Variants in CDC5L observed in about 807,000 individuals in gnomAD.
CDC5L encodes the protein cell division cycle 5-like protein.
Under a neutral mutation model 104.1 loss-of-function variants are expected in CDC5L, and 18 were observed. The observed-to-expected ratio is 0.17, with a 90% CI of 0.12 to 0.26. The LOEUF (loss-of-function observed/expected upper bound fraction) is 0.26. Ranked by LOEUF, CDC5L falls within the 10% of genes least tolerant of loss-of-function variation. The pLI is 1.00. For missense variants in CDC5L, 673 were observed against 956.9 expected (o/e 0.70, Z 3.91); for synonymous variants, 331 against 322.7 (o/e 1.03, Z -0.28).
intron 14 of CDC5L, among the ~76,000 whole-genome samples, chr6:44,430,447 C>T (rs1233273205): frequency 6.8e-6 from 1 of 147,938 alleles, no homozygotes; most frequent in African/African-American, 2.5e-5. Context: ...TGAAAACATA[C>T]TAGATGCAGT....
chr6:44,449,335 T>TA lies in CDC5L; in HGVS notation c.*2625dup, dbSNP rs987600671. 1 of 152,186 alleles carries TA rather than the reference T, an allele frequency of 6.6e-6. No homozygotes were observed. Among genetic ancestry groups the TA allele is most frequent in the African/African-American group, 2.4e-5 (1 of 41,448 alleles). The allele number at this position is 152,186 out of a possible 1,614,324, so 9.4% of individuals were successfully genotyped here. On this transcript the variant is annotated 3_prime_UTR_variant, in exon 16 of 16. Coordinates refer to ENST00000371477, the MANE Select transcript of CDC5L (RefSeq NM_001253.4). ...AGCCCAGGATTCTTTACCAGCACCA[T>TA]ACAGCGATTTTGGTGACTATTTTAA...
At chr6:44,443,832 C>G (rs367792282) in intron 14 of CDC5L, among the ~76,000 whole-genome samples, 1 of 145,060 alleles carries the variant, frequency 6.9e-6, no homozygotes, top group African/African-American at 2.5e-5. Context: ...GAGTTGGTTT[C>G]TGTTGATTTA....
In CDC5L at chr6:44,447,729, T is replaced by G. The variant is rs554518068; in HGVS notation, c.*1018T>G. 6.6e-6 allele frequency: 1 copy of G among 152,340 alleles called. No individual in the cohort carries two copies. Among genetic ancestry groups the G allele is most frequent in the African/African-American group, 2.4e-5 (1 of 41,586 alleles). 9.4% of individuals were successfully genotyped at this position (152,340 alleles called of 1,614,324 possible). ...ACAACAAACAAAATAGGCCTAGTTC[T>G]TGTTTAGTAGAGCTTATAGTCTTTT... is the stretch of plus-strand genomic sequence containing the variant. On this transcript the variant is annotated 3_prime_UTR_variant, in exon 16 of 16. Coordinates refer to ENST00000371477, the MANE Select transcript of CDC5L (RefSeq NM_001253.4).
intron 5 of CDC5L, among the ~76,000 whole-genome samples, chr6:44,400,316 A>G (rs1272794308): frequency 6.6e-6 from 1 of 152,208 alleles, no homozygotes; most frequent in Non-Finnish European, 1.5e-5. Flanking sequence ...TAGATGATAT[A>G]CTGTAGCAAT....
intron 8 of CDC5L, among the ~76,000 whole-genome samples, chr6:44,417,464 G>A (rs2153380105): frequency 6.6e-6 from 1 of 152,222 alleles, no homozygotes; most frequent in East Asian, 1.9e-4. Flanking sequence ...TTGGTTTCAG[G>A]TGAATCACAA....
At chr6:44,401,778 A>G (rs550584110) in intron 5 of CDC5L, among the ~76,000 whole-genome samples, 1,792 of 151,482 alleles carry the variant, frequency 0.012, 18 homozygotes, top group Middle Eastern at 0.054. Context: ...AGCATTAGGT[A>G]TATCTCCTAA....
At chr6:44,421,990 G>A (rs2153381062) in intron 9 of CDC5L, among the ~76,000 whole-genome samples, 1 of 152,090 alleles carries the variant, frequency 6.6e-6, no homozygotes, top group East Asian at 1.9e-4. Flanking sequence ...CAGCATCACC[G>A]TTCTGCAACA....
chr6:44,426,496 T>C lies in CDC5L; in HGVS notation c.1665T>C (p.Ile555=). The C allele has an allele frequency of 6.6e-7, 1 of 1,517,430 alleles. No homozygotes were observed. The highest frequency in any genetic ancestry group is 9.1e-7 in the Non-Finnish European group (1 of 1,093,486). 94.0% of individuals were successfully genotyped at this position (1,517,430 alleles called of 1,614,324 possible). A position where few individuals can be genotyped will look rare whatever the true frequency, so the allele number is the denominator to read the frequency against. The change falls in exon 13 of 16, where the codon ATT becomes ATC. Residue 555 remains isoleucine, a synonymous_variant. Transcript: ENST00000371477. ...TAAAATTTTAGGTAAATGAAACTATTCTAAGACCCTTAAATGTAGAACCGC... is the reference window on the plus strand; with the variant it reads ...TAAAATTTTAGGTAAATGAAACTATCCTAAGACCCTTAAATGTAGAACCGC... ...LPRPSEVNET[I]LRPLNVEPPL...
chr6:44,403,739 T>G, intron 5 of CDC5L, 70 bp from the exon 6 acceptor site: 4 of 1,053,088 alleles, frequency 3.8e-6, no homozygotes, highest in Non-Finnish European at 5.6e-6. Context: ...ACTTTTTTTT[T>G]AACTGTATGG....
At chr6:44,391,390 AG>A (rs1218992000) in intron 2 of CDC5L, among the ~76,000 whole-genome samples, 4 of 151,928 alleles carry the variant, frequency 2.6e-5, no homozygotes, top group African/African-American at 9.7e-5. Context: ...CTGGGACTAC[AG>A]GCTCCTGCCA....
intron 5 of CDC5L, among the ~76,000 whole-genome samples, chr6:44,398,003 C>T (rs1247721003): frequency 6.6e-6 from 1 of 152,104 alleles, no homozygotes; most frequent in Admixed American, 6.6e-5. Flanking sequence ...CCTTGTGGCC[C>T]CCAGGTTGGC....
chr6:44,391,867 C>T (rs1488011867), intron 2 of CDC5L, among the ~76,000 whole-genome samples: 1 of 151,996 alleles, frequency 6.6e-6, no homozygotes, highest in Non-Finnish European at 1.5e-5. Context: ...ATTAGCCAGG[C>T]GTGGTGGCTA....
At chr6:44,407,294 CTA>C (rs2153377595) in intron 7 of CDC5L, among the ~76,000 whole-genome samples, 1 of 151,050 alleles carries the variant, frequency 6.6e-6, no homozygotes, top group African/African-American at 2.4e-5. Flanking sequence ...TTTTGACTTA[CTA>C]TAGTTGGTCA....
At chr6:44,431,353 G>A (rs1164548189) in intron 14 of CDC5L, among the ~76,000 whole-genome samples, 1 of 152,202 alleles carries the variant, frequency 6.6e-6, no homozygotes, top group Non-Finnish European at 1.5e-5. Context: ...TTAAAGCCAG[G>A]GAAAATAGAA....
intron 3 of CDC5L, 115 bp from the exon 4 acceptor site, chr6:44,393,331 A>G: frequency 2.2e-6 from 2 of 896,306 alleles, no homozygotes; most frequent in Admixed American, 2.5e-5. Flanking sequence ...TTATGTTGTT[A>G]AAGCCCATCC....
intron 14 of CDC5L, among the ~76,000 whole-genome samples, chr6:44,439,679 A>G (rs957399399): frequency 4.6e-5 from 7 of 152,208 alleles, no homozygotes; most frequent in Non-Finnish European, 1.0e-4. Flanking sequence ...GAAAAGAGCA[A>G]AATGTTTGAA....
In CDC5L at chr6:44,393,905, A is replaced by G. The variant is rs114881700; in HGVS notation, c.439+332A>G. On this transcript the variant is annotated intron_variant, in intron 4 of 15. Transcript: ENST00000371477. ...GGTCTCAAACTCCTGGGCTTAAGCT[A>G]TCCTCCCTTTTCTGCCTCCAAAAGT... Among the ~76,000 whole-genome samples, 1,213 of 152,184 alleles carry G rather than the reference A, an allele frequency of 8.0e-3. 20 individuals carry two copies. The highest frequency in any genetic ancestry group is 0.028 in the African/African-American group (1,157 of 41,544).
At chr6:44,393,670 C>A in intron 4 of CDC5L, 97 bp downstream of exon 4, 2 of 1,277,736 alleles carry the variant, frequency 1.6e-6, no homozygotes, top group Non-Finnish European at 2.1e-6. Context: ...ACTTTAGAAT[C>A]CCTTTTTTTT....
At chr6:44,419,357 G>A (rs549919661) in intron 8 of CDC5L, 92 bp from the exon 9 acceptor site, 1 of 1,149,522 alleles carries the variant, frequency 8.7e-7, no homozygotes, top group South Asian at 1.5e-5. Flanking sequence ...TAAGGATTCT[G>A]CCTGCTTCAA....
Sources: gnomAD v4.1 joint callset for allele counts (sites outside exome capture counted in the v4.1 genomes callset) on GRCh38, gnomAD v4.1.1 for gene constraint, MANE v1.5 for transcripts, NCBI Gene and HGNC (gene_info 2026-07-23, HGNC 2026-07-21) for gene names.